The following CCDC150 variants were observed in gnomAD, a reference collection of about 807,000 sequenced individuals.
The protein encoded by CCDC150 is coiled-coil domain-containing protein 150.
A neutral mutation model predicts 156.5 loss-of-function variants in CCDC150; 151 were observed. The observed-to-expected ratio is 0.97, with a 90% CI of 0.85 to 1.10. The LOEUF (loss-of-function observed/expected upper bound fraction) is 1.10, where lower values mean the gene tolerates loss of function less well. CCDC150 is among the 50% of genes least tolerant of loss of function. CCDC150 has a pLI of 0.00. For missense variants in CCDC150, 1,312 were observed against 1,268.1 expected, an observed-to-expected ratio of 1.03 and a Z score of -0.53; for synonymous variants, 452 against 429.4, an observed-to-expected ratio of 1.05 and a Z score of -0.65.
chr2:196,697,294 C>T (rs991388340), intron 14 of CCDC150, among the ~76,000 whole-genome samples: 8 of 151,630 alleles, frequency 5.3e-5, no homozygotes. Flanking sequence ...TTCCTAATTT[C>T]AGGGGTTTTT....
rs116777601 is a variant in CCDC150, at chr2:196,686,851, G to T, written c.1510-8195G>T. ...CATCATTTAGCTCCCACTTATAAGA[G>T]AACATGCAACATTTGGTTTTCTGTT... On this transcript the variant is annotated intron_variant, in intron 13 of 27. Coordinates refer to ENST00000389175, the MANE Select transcript of CCDC150 (RefSeq NM_001080539.2). Among the ~76,000 whole-genome samples, 1,012 of 152,218 alleles carry T rather than the reference G, an allele frequency of 6.6e-3. 9 individuals are homozygous for T. The highest frequency in any genetic ancestry group is 0.023 in the African/African-American group (950 of 41,530).
Position 196,730,051 on chromosome 2 carries a change from A to T in CCDC150, c.2915A>T (p.Asn972Ile), listed in dbSNP as rs376127384. 1.1e-5 allele frequency: 17 copies of T among 1,613,916 alleles called. No homozygotes were observed. Among genetic ancestry groups the T allele is most frequent in the Non-Finnish European group, 1.4e-5 (16 of 1,179,844 alleles). Residue 972 changes from asparagine to isoleucine, a missense_variant, in exon 25 of 28, where the codon AAT becomes ATT. Physicochemically the swap from Asn to Ile is moderately radical, Grantham distance 149. Coordinates refer to ENST00000389175, the MANE Select transcript of CCDC150 (RefSeq NM_001080539.2). Reference sequence around the variant, plus strand: ...AGCCAATATGATGCCTCAGTGCGGAATAAACAGCAAGAGCTGCACCTAGAA... The same window carrying T: ...AGCCAATATGATGCCTCAGTGCGGATTAAACAGCAAGAGCTGCACCTAGAA... ...AKSQYDASVRNKQQELHLEAE... is the reference protein window; with the variant it reads ...AKSQYDASVRIKQQELHLEAE...
Position 196,695,190 on chromosome 2 carries a change from A to G in CCDC150, c.1623+31A>G, listed in dbSNP as rs751969958. 3.5e-6 allele frequency: 4 copies of G among 1,157,406 alleles called. No homozygotes were observed. In the South Asian group the frequency reaches 5.1e-5, roughly 15 times the overall value. The allele number at this position is 1,157,406 out of a possible 1,614,324, so 71.7% of individuals were successfully genotyped here. On this transcript the variant is annotated intron_variant, in intron 14 of 27. Coordinates refer to ENST00000389175, the MANE Select transcript of CCDC150 (RefSeq NM_001080539.2). ...TATAAAAAGATCAGTCTAAATAGCA[A>G]TTAATGACTAATGAGTTCAGAAATA... is the stretch of plus-strand genomic sequence containing the variant.
intron 2 of CCDC150, 23 bp from the exon 3 acceptor site, chr2:196,656,610 G>A (rs774755610): frequency 2.6e-6 from 4 of 1,517,134 alleles, no homozygotes; most frequent in Admixed American, 1.9e-5. Flanking sequence ...GCATAATATT[G>A]TTATATTGGG....
chr2:196,676,613 G>A lies in CCDC150; in HGVS notation c.1322G>A (p.Arg441Lys). The change falls in exon 12 of 28, where the codon AGA becomes AAA. Residue 441 changes from arginine to lysine, a missense_variant. By Grantham distance (26) the Arg-to-Lys change is conservative. Coordinates refer to ENST00000389175, the MANE Select transcript of CCDC150 (RefSeq NM_001080539.2). ...CAGAAAGCACAGGATGCTGAAAAGAGAACAGCTGTGCAAAAAGAGCTGCTA... is the reference window on the plus strand; with the variant it reads ...CAGAAAGCACAGGATGCTGAAAAGAAAACAGCTGTGCAAAAAGAGCTGCTA... Reference protein sequence around the residue: ...CIQKAQDAEKRTAVQKELLES... With the variant: ...CIQKAQDAEKKTAVQKELLES... 6.2e-7 allele frequency: 1 copy of A among 1,613,706 alleles called. No individual in the cohort carries two copies. Among genetic ancestry groups the A allele is most frequent in the Non-Finnish European group, 8.5e-7 (1 of 1,179,696 alleles).
At chr2:196,675,515 C>CA (rs1694441489) in intron 10 of CCDC150, among the ~76,000 whole-genome samples, 1 of 151,988 alleles carries the variant, frequency 6.6e-6, no homozygotes, top group African/African-American at 2.4e-5. Context: ...ACTGTATTTG[C>CA]AAAAACTTTA....
chr2:196,666,686 C>G (rs1376953045), intron 6 of CCDC150, 33 bp from the exon 7 acceptor site: 1 of 1,549,522 alleles, frequency 6.5e-7, no homozygotes, highest in African/African-American at 1.4e-5. Flanking sequence ...ATCTTTATCT[C>G]ACAGAAAAAG....
intron 26 of CCDC150, 48 bp from the exon 27 acceptor site, chr2:196,731,985 T>G: frequency 6.3e-7 from 1 of 1,578,298 alleles, no homozygotes. Flanking sequence ...ACAAAAAAAC[T>G]TGTAACTCTT....
At chr2:196,645,189 C>A (rs1692462709) in intron 1 of CCDC150, among the ~76,000 whole-genome samples, 2 of 152,128 alleles carry the variant, frequency 1.3e-5, no homozygotes, top group Admixed American at 1.3e-4. Flanking sequence ...AATTGGAGAG[C>A]TATTTCAGGA....
intron 1 of CCDC150, among the ~76,000 whole-genome samples, chr2:196,643,285 G>A (rs970090864): frequency 2.6e-5 from 4 of 152,184 alleles, no homozygotes; most frequent in African/African-American, 9.7e-5. Context: ...CAGAGGCTGG[G>A]CCAAGTTGGT....
chr2:196,674,363 T>C lies in CCDC150; in HGVS notation c.1137+15T>C, dbSNP rs746596731. 4 of 1,546,072 alleles carry C rather than the reference T, an allele frequency of 2.6e-6. No homozygotes were observed. The South Asian group carries it at 4.7e-5, about 18-fold the overall frequency. ...CCATTCTGCAGGTATTCGTTTAACA[T>C]GAAAGCCAACCAGAAAGCCAGCCTG... On this transcript the variant is annotated intron_variant, in intron 10 of 27. Transcript: ENST00000389175.
chr2:196,721,750 T>G, intron 21 of CCDC150, 59 bp downstream of exon 21: 1 of 1,333,836 alleles, frequency 7.5e-7, no homozygotes, highest in South Asian at 1.5e-5. Context: ...GTAAGTCACA[T>G]TCCCATAAAT....
intron 15 of CCDC150, among the ~76,000 whole-genome samples, chr2:196,711,607 C>T (rs1697119680): frequency 1.3e-5 from 2 of 152,090 alleles, no homozygotes; most frequent in South Asian, 4.2e-4. Flanking sequence ...TTGTGAGTAT[C>T]ATCTTTATGA....
intron 13 of CCDC150, among the ~76,000 whole-genome samples, chr2:196,686,809 G>C (rs1247311847): frequency 6.6e-6 from 1 of 152,026 alleles, no homozygotes; most frequent in Admixed American, 6.6e-5. Context: ...GTTCTCCTCT[G>C]TGTATCCATA....
chr2:196,675,913 G>A (rs756912886), intron 10 of CCDC150, among the ~76,000 whole-genome samples: 1 of 152,178 alleles, frequency 6.6e-6, no homozygotes, highest in Non-Finnish European at 1.5e-5. Context: ...GGTAAATAAT[G>A]CATCTTGACT....
intron 14 of CCDC150, among the ~76,000 whole-genome samples, chr2:196,695,512 A>G (rs1448133943): frequency 6.6e-6 from 1 of 152,170 alleles, no homozygotes; most frequent in Non-Finnish European, 1.5e-5. Flanking sequence ...CTATTTGACA[A>G]GGTCAGTGCA....
chr2:196,646,591 T>C (rs1480072986), intron 2 of CCDC150, 87 bp downstream of exon 2: 3 of 951,566 alleles, frequency 3.2e-6, no homozygotes, highest in African/African-American at 1.6e-5. Context: ...ATGAGATGGA[T>C]ATTTGCAAAA....
intron 2 of CCDC150, among the ~76,000 whole-genome samples, chr2:196,656,215 A>AGAGTTAGG (rs1297641542): frequency 6.6e-6 from 1 of 151,996 alleles, no homozygotes; most frequent in African/African-American, 2.4e-5. Context: ...GGGGAATCTT[A>AGAGTTAGG]GAGTTAGGGT....
At chr2:196,706,219 T>C (rs955882380) in intron 15 of CCDC150, among the ~76,000 whole-genome samples, 1 of 152,226 alleles carries the variant, frequency 6.6e-6, no homozygotes, top group East Asian at 1.9e-4. Context: ...GTAGTTCTCC[T>C]TGAAGAGGTC....
Sources: gnomAD v4.1 joint callset for allele counts (sites outside exome capture counted in the v4.1 genomes callset) on GRCh38, gnomAD v4.1.1 for gene constraint, MANE v1.5 for transcripts, NCBI Gene and HGNC (gene_info 2026-07-23, HGNC 2026-07-21) for gene names.